AGMO: variants seen among roughly 807,000 people sequenced by gnomAD.
AGMO encodes glyceryl-ether monooxygenase.
AGMO carries 75 observed loss-of-function variants against 60.2 expected under a neutral mutation model. That is an observed-to-expected ratio of 1.25 (90% CI 1.03 to 1.51). The LOEUF is 1.51. AGMO is among the 40% of genes most tolerant of loss of function. The pLI, the probability that AGMO is intolerant of heterozygous loss-of-function variation, is 0.00. For missense variants in AGMO, 763 were observed against 525.5 expected (o/e 1.45, Z -4.42); for synonymous variants, 261 against 177.1 (o/e 1.47, Z -3.76).
intron 12 of AGMO, among the ~76,000 whole-genome samples, chr7:15,235,031 C>A (rs1354047674): frequency 6.6e-6 from 1 of 152,064 alleles, no homozygotes; most frequent in Admixed American, 6.5e-5. Context: ...GCATATCATA[C>A]CATTTGCTGA....
intron 3 of AGMO, among the ~76,000 whole-genome samples, chr7:15,491,765 C>G (rs2128521084): frequency 6.6e-6 from 1 of 152,230 alleles, no homozygotes; most frequent in South Asian, 2.1e-4. Flanking sequence ...AGAATTAAGA[C>G]AGAGATGAAA....
chr7:15,403,892 A>T (rs1283957660), intron 5 of AGMO, among the ~76,000 whole-genome samples: 1 of 151,944 alleles, frequency 6.6e-6, no homozygotes, highest in Non-Finnish European at 1.5e-5. Context: ...GCAGGGAAGG[A>T]AGAGAAAGCA....
chr7:15,491,598 T>C (rs1036165090), intron 3 of AGMO, among the ~76,000 whole-genome samples: 11 of 152,204 alleles, frequency 7.2e-5, no homozygotes, highest in Admixed American at 2.0e-4. Flanking sequence ...TAAATCACCA[T>C]GTCCTATGGC....
At chr7:15,427,395 T>C (rs1343762841) in intron 4 of AGMO, among the ~76,000 whole-genome samples, 1 of 152,216 alleles carries the variant, frequency 6.6e-6, no homozygotes, top group Non-Finnish European at 1.5e-5. Flanking sequence ...TGTTATGCTG[T>C]ATTTGCCACA....
chr7:15,354,302 A>ATGTGTATACACG (rs1491480160), intron 12 of AGMO, among the ~76,000 whole-genome samples: 34 of 80,988 alleles, frequency 4.2e-4, no homozygotes, highest in Non-Finnish European at 5.6e-4. Flanking sequence ...AAATATATAT[A>ATGTGTATACACG]CGTGTATACA....
chr7:15,216,150 C>T (rs1781730198), intron 12 of AGMO, among the ~76,000 whole-genome samples: 1 of 152,004 alleles, frequency 6.6e-6, no homozygotes, highest in African/African-American at 2.4e-5. Context: ...AGGGTCAACA[C>T]ATAATACAAT....
the AGMO span, among the ~76,000 whole-genome samples, chr7:15,144,979 G>A: frequency 6.6e-6 from 1 of 152,172 alleles, no homozygotes; most frequent in East Asian, 1.9e-4. Flanking sequence ...ACAGGCGCCC[G>A]CCGCCACGCT....
intron 4 of AGMO, among the ~76,000 whole-genome samples, chr7:15,423,771 C>G (rs73068513): frequency 1.3e-5 from 2 of 149,330 alleles, no homozygotes; most frequent in African/African-American, 2.4e-5. Flanking sequence ...AGCAAAGGAA[C>G]ACCAAAGCTG....
rs1051842657 is a variant in AGMO, at chr7:15,387,608, T to G, written c.823-68A>C. On this transcript the variant is annotated intron_variant, in intron 8 of 12. Coordinates refer to ENST00000342526, the MANE Select transcript of AGMO (RefSeq NM_001004320.2). Reference sequence around the variant, plus strand: ...AGGAAAGATTAAATACCAAAAGTTATGTATATTATTTTATTGTTCAAGGTA... The same window carrying G: ...AGGAAAGATTAAATACCAAAAGTTAGGTATATTATTTTATTGTTCAAGGTA... 2.9e-6 allele frequency: 4 copies of G among 1,379,172 alleles called. No individual in the cohort carries two copies. The African/African-American group carries it at 6.1e-5, about 21-fold the overall frequency. The allele number at this position is 1,379,172 out of a possible 1,614,324, so 85.4% of individuals were successfully genotyped here. A position where few individuals can be genotyped will look rare whatever the true frequency, so the allele number is the denominator to read the frequency against.
At chr7:15,198,067 C>A (rs954552979), downstream of AGMO, among the ~76,000 whole-genome samples, 2 of 152,204 alleles carry the variant, frequency 1.3e-5, no homozygotes. Context: ...TAAACAAATG[C>A]TCCTTTCCTC....
chr7:15,187,124 C>T, the AGMO span, among the ~76,000 whole-genome samples: 2 of 152,146 alleles, frequency 1.3e-5, no homozygotes, highest in African/African-American at 4.8e-5. Flanking sequence ...TTTCAGACGT[C>T]TCAAGATAGC....
rs571495024 is a variant in AGMO, at chr7:15,503,365, A to G, written c.409+41407T>C. Among the ~76,000 whole-genome samples the G allele has an allele frequency of 2.6e-5, 4 of 152,204 alleles. No homozygotes were observed. In the East Asian group the frequency reaches 7.7e-4, roughly 29 times the overall value. ...AAGATAAATAAATTATCCTTAAAAG[A>G]TGAATACATTATAGCTGCTGGGTCA... On this transcript the variant is annotated intron_variant, in intron 3 of 12. Transcript: ENST00000342526.
At chr7:15,362,640 C>T (rs570298523) in intron 12 of AGMO, among the ~76,000 whole-genome samples, 1 of 152,114 alleles carries the variant, frequency 6.6e-6, no homozygotes, top group African/African-American at 2.4e-5. Flanking sequence ...GTGCATGTGC[C>T]CAGATGGACA....
chr7:15,457,630 A>G (rs556395737), intron 3 of AGMO, among the ~76,000 whole-genome samples: 1 of 152,330 alleles, frequency 6.6e-6, no homozygotes, highest in Non-Finnish European at 1.5e-5. Flanking sequence ...AATTTGATTA[A>G]TAAGTTTGTC....
chr7:15,455,791 G>A (rs996875421), intron 3 of AGMO, among the ~76,000 whole-genome samples: 1 of 151,986 alleles, frequency 6.6e-6, no homozygotes, highest in African/African-American at 2.4e-5. Flanking sequence ...CACCTCCTTT[G>A]AACAGTTGAC....
At chr7:15,454,139 C>T (rs934630805) in intron 3 of AGMO, among the ~76,000 whole-genome samples, 3 of 150,938 alleles carry the variant, frequency 2.0e-5, no homozygotes, top group Non-Finnish European at 2.9e-5. Context: ...TTATTTTTCT[C>T]TAGAAAAGTA....
At chr7:15,222,939 T>C (rs1164800589) in intron 12 of AGMO, among the ~76,000 whole-genome samples, 2 of 125,636 alleles carry the variant, frequency 1.6e-5, no homozygotes, top group Admixed American at 7.2e-5. Flanking sequence ...GCAGTTAATA[T>C]ACAATTTTTC....
chr7:15,319,825 T>C (rs973496517), intron 12 of AGMO, among the ~76,000 whole-genome samples: 15 of 152,060 alleles, frequency 9.9e-5, no homozygotes, highest in African/African-American at 3.6e-4. Flanking sequence ...TTTAAGGAGA[T>C]ATATGCCAAG....
At chr7:15,227,210 T>C (rs149461385) in intron 12 of AGMO, among the ~76,000 whole-genome samples, 3 of 151,850 alleles carry the variant, frequency 2.0e-5, no homozygotes, top group Non-Finnish European at 4.4e-5. Context: ...AACATAAGAG[T>C]ATATTCTCAG....
Sources: gnomAD v4.1 joint callset for allele counts (sites outside exome capture counted in the v4.1 genomes callset) on GRCh38, gnomAD v4.1.1 for gene constraint, MANE v1.5 for transcripts, NCBI Gene and HGNC (gene_info 2026-07-23, HGNC 2026-07-21) for gene names.